Variants in RIMS1 observed in about 807,000 individuals in gnomAD.
RIMS1 encodes regulating synaptic membrane exocytosis protein 1.
RIMS1 carries 83 observed loss-of-function variants against 214.1 expected under a neutral mutation model. The ratio of observed to expected loss-of-function variants is 0.39; its 90% confidence interval spans 0.32 to 0.47. The LOEUF (loss-of-function observed/expected upper bound fraction) is 0.47. RIMS1 is among the 20% of genes least tolerant of loss of function. The pLI, the probability that RIMS1 is intolerant of heterozygous loss-of-function variation, is 0.99. For missense variants in RIMS1, 2,050 were observed against 2,161.8 expected, an observed-to-expected ratio of 0.95 and a Z score of 1.03; for synonymous variants, 793 against 786.8, an observed-to-expected ratio of 1.01 and a Z score of -0.13.
intron 2 of RIMS1, among the ~76,000 whole-genome samples, chr6:71,996,479 T>C (rs773967749): frequency 2.0e-5 from 3 of 152,226 alleles, no homozygotes; most frequent in Non-Finnish European, 4.4e-5. Flanking sequence ...AAAGGAAAGA[T>C]AATTTAATGG....
intron 6 of RIMS1, among the ~76,000 whole-genome samples, chr6:72,184,897 C>T (rs904587734): frequency 2.0e-5 from 3 of 152,146 alleles, no homozygotes; most frequent in Non-Finnish European, 4.4e-5. Flanking sequence ...ATGTATAAAA[C>T]TATTAACCCC....
intron 16 of RIMS1, among the ~76,000 whole-genome samples, chr6:72,254,057 G>T (rs2074689847): frequency 6.6e-6 from 1 of 152,160 alleles, no homozygotes; most frequent in Middle Eastern, 3.4e-3. Context: ...GTAGAGACTG[G>T]ATTTCACCGT....
intron 2 of RIMS1, among the ~76,000 whole-genome samples, chr6:72,011,918 G>A (rs942256382): frequency 3.3e-5 from 5 of 152,222 alleles, no homozygotes; most frequent in Non-Finnish European, 4.4e-5. Flanking sequence ...GGAAGTCAGT[G>A]TGGCAATTCC....
intron 29 of RIMS1, among the ~76,000 whole-genome samples, chr6:72,361,296 G>A (rs71557821): frequency 0.17 from 25,933 of 151,052 alleles, 2,719 homozygotes; most frequent in Non-Finnish European, 0.23. Context: ...AGTAGAGACG[G>A]GGTTTCACCA....
intron 2 of RIMS1, among the ~76,000 whole-genome samples, chr6:72,052,011 T>C (rs961644030): frequency 1.3e-5 from 2 of 152,218 alleles, no homozygotes; most frequent in Non-Finnish European, 2.9e-5. Context: ...CTTCATGATA[T>C]ATTATGCTTT....
chr6:72,331,004 C>A (rs185866899), intron 28 of RIMS1, among the ~76,000 whole-genome samples: 13 of 151,612 alleles, frequency 8.6e-5, no homozygotes, highest in African/African-American at 3.1e-4. Context: ...AACTTAACCC[C>A]CTCCCAATGA....
chr6:72,306,268 C>T (rs998454565), intron 26 of RIMS1, among the ~76,000 whole-genome samples: 2 of 152,000 alleles, frequency 1.3e-5, no homozygotes, highest in African/African-American at 4.8e-5. Context: ...CACACACACA[C>T]ACAGCCCTAC....
intron 28 of RIMS1, among the ~76,000 whole-genome samples, chr6:72,329,021 GAAACAAAACA>G (rs531122241): frequency 6.6e-6 from 1 of 151,614 alleles, no homozygotes; most frequent in African/African-American, 2.4e-5. Flanking sequence ...GAACCAGAAA[GAAACAAAACA>G]AAACAAAACA....
At chr6:71,891,449 G>A (rs2150347357) in intron 1 of RIMS1, among the ~76,000 whole-genome samples, 1 of 152,308 alleles carries the variant, frequency 6.6e-6, no homozygotes, top group South Asian at 2.1e-4. Context: ...GAGAGAGAAA[G>A]TAGAATGAGA....
rs774262018 is a variant in RIMS1 at position 71,937,503 on chromosome 6, TG to T, written c.165-31477del. The stretch of plus-strand genomic sequence containing the variant: ...CCTGGGCTCAAGCAGTCTGCCTTCC[TG>T]GGCCTCCCAAAGTGCTGGGATTACA... On this transcript the variant is annotated intron_variant, in intron 1 of 33. Coordinates refer to ENST00000521978, the MANE Select transcript of RIMS1 (RefSeq NM_014989.7). 1.7e-3 allele frequency among the ~76,000 whole-genome samples: 263 copies of T among 152,288 alleles called. 1 individual carries two copies. Among genetic ancestry groups the T allele is most frequent in the Non-Finnish European group, 3.1e-3 (213 of 68,024 alleles).
At chr6:71,897,510 C>A (rs1261107708) in intron 1 of RIMS1, among the ~76,000 whole-genome samples, 1 of 152,112 alleles carries the variant, frequency 6.6e-6, no homozygotes, top group Non-Finnish European at 1.5e-5. Flanking sequence ...ACATGGTAAC[C>A]CAACTCATAC....
chr6:71,899,799 G>A (rs1195161043), intron 1 of RIMS1, among the ~76,000 whole-genome samples: 2 of 152,078 alleles, frequency 1.3e-5, no homozygotes. Context: ...CCCAAGGCCA[G>A]GTAATTTATC....
At position 72,204,460 on chromosome 6, in the gene RIMS1, C is replaced by T. The variant is rs548683766; in HGVS notation, c.1678+21311C>T. On this transcript the variant is annotated intron_variant, in intron 6 of 33. Transcript: ENST00000521978. ...AACTCTGTTCTTCCTGACTGATTAG[C>T]ATTTATTTCCTGTATTTCACACTTA... Among the ~76,000 whole-genome samples the T allele has an allele frequency of 1.6e-4, 24 of 152,276 alleles. No individual in the cohort carries two copies. In the East Asian group the frequency reaches 1.9e-3, roughly 12 times the overall value.
chr6:72,262,532 A>G, intron 19 of RIMS1: 1 of 985,164 alleles, frequency 1.0e-6, no homozygotes. Context: ...CCTGTCTTTC[A>G]TTCTCTAATG....
At chr6:71,898,840 T>G (rs2150423925) in intron 1 of RIMS1, among the ~76,000 whole-genome samples, 1 of 152,296 alleles carries the variant, frequency 6.6e-6, no homozygotes, top group East Asian at 1.9e-4. Context: ...AGGTCTTCTG[T>G]GTCCTAGTAC....
In RIMS1 at chr6:72,359,275, C is replaced by T. The variant is rs117014332; in HGVS notation, c.4366+25440C>T. Among the ~76,000 whole-genome samples the T allele has an allele frequency of 4.4e-3, 677 of 152,298 alleles. 2 individuals carry two copies. The highest frequency in any genetic ancestry group is 7.1e-3 in the Non-Finnish European group (486 of 68,008). ...TAGCAAGCTTTTAATGTGCTGGTCA[C>T]ATCTTCAGACTTTCTTACCAAATGA... On this transcript the variant is annotated intron_variant, in intron 29 of 33. Transcript: ENST00000521978.
At chr6:72,038,527 C>T (rs575675969) in intron 2 of RIMS1, among the ~76,000 whole-genome samples, 1 of 152,070 alleles carries the variant, frequency 6.6e-6, no homozygotes, top group East Asian at 1.9e-4. Flanking sequence ...TGTATTAGGC[C>T]TTAACCACTG....
At chr6:72,118,405 A>G (rs2037521277) in intron 4 of RIMS1, among the ~76,000 whole-genome samples, 1 of 151,506 alleles carries the variant, frequency 6.6e-6, no homozygotes, top group South Asian at 2.1e-4. Context: ...GCACTCAAAG[A>G]ATTGGTACCA....
At chr6:72,034,287 ATTC>A (rs746017047) in intron 2 of RIMS1, among the ~76,000 whole-genome samples, 1 of 152,166 alleles carries the variant, frequency 6.6e-6, no homozygotes, top group Non-Finnish European at 1.5e-5. Flanking sequence ...CTAAAAAGTT[ATTC>A]TTTGTTTATC....
Sources: allele counts gnomAD v4.1 joint callset (sites outside exome capture counted in the v4.1 genomes callset), GRCh38; gene constraint gnomAD v4.1.1; transcripts MANE v1.5; gene names NCBI Gene and HGNC (gene_info 2026-07-23, HGNC 2026-07-21).